The following PTK2 variants were observed in gnomAD, a reference collection of about 807,000 sequenced individuals.
PTK2 encodes the protein protein tyrosine kinase 2.
A neutral mutation model predicts 150.1 loss-of-function variants in PTK2; 45 were observed. That is an observed-to-expected ratio of 0.30 (90% CI 0.24 to 0.38). The LOEUF (loss-of-function observed/expected upper bound fraction) is 0.38, where lower values mean the gene tolerates loss of function less well. Ranked by LOEUF, PTK2 falls within the 10% of genes least tolerant of loss-of-function variation. The pLI, the probability that PTK2 is intolerant of heterozygous loss-of-function variation, is 1.00. For missense variants in PTK2, 919 were observed against 1,307.3 expected (o/e 0.70, Z 4.58); for synonymous variants, 432 against 449.2 (o/e 0.96, Z 0.48).
intron 2 of PTK2, among the ~76,000 whole-genome samples, chr8:140,906,986 T>C (rs1177923654): frequency 6.6e-6 from 1 of 152,198 alleles, no homozygotes; most frequent in Non-Finnish European, 1.5e-5. Flanking sequence ...CTCACAGTTA[T>C]TAAGATTGAA....
intron 10 of PTK2, among the ~76,000 whole-genome samples, chr8:140,813,743 CCCCAAACTAGAAGA>C (rs2100102968): frequency 3.4e-5 from 1 of 29,838 alleles, no homozygotes; most frequent in Non-Finnish European, 5.1e-5. Flanking sequence ...AGAGAACCAA[CCCCAAACTAGAAGA>C]AGAGCAAACC....
In PTK2 at chr8:140,938,598, T is replaced by C. The variant is rs114089642; in HGVS notation, c.-121-12849A>G. 7.5e-3 allele frequency among the ~76,000 whole-genome samples: 1,136 copies of C among 152,310 alleles called. 12 individuals carry two copies. The highest frequency in any genetic ancestry group is 0.025 in the African/African-American group (1,046 of 41,564). On this transcript the variant is annotated intron_variant, in intron 1 of 31. Transcript: ENST00000522684. ...TCTCAGGATAATCTGGAGCACTCCCTTGTGGGAACTGCCCTGCCACTGCTT... is the reference window on the plus strand; with the variant it reads ...TCTCAGGATAATCTGGAGCACTCCCCTGTGGGAACTGCCCTGCCACTGCTT...
chr8:140,974,416 T>C (rs181322951), intron 1 of PTK2, among the ~76,000 whole-genome samples: 30 of 152,346 alleles, frequency 2.0e-4, no homozygotes, highest in Admixed American at 2.0e-3. Flanking sequence ...CTAATGTTCA[T>C]AGCATGTTGA....
intron 29 of PTK2, chr8:140,669,460 C>A: frequency 2.2e-6 from 1 of 451,252 alleles, no homozygotes. Context: ...CCTAAGTAAT[C>A]TGGAACAGAT....
chr8:140,711,403 G>A (rs530207887), intron 23 of PTK2, among the ~76,000 whole-genome samples: 2 of 152,266 alleles, frequency 1.3e-5, no homozygotes, highest in Admixed American at 6.5e-5. Flanking sequence ...CACCATGCCC[G>A]GCCCCCGCAG....
chr8:140,724,450 A>C (rs1289372377), intron 22 of PTK2, among the ~76,000 whole-genome samples: 5 of 152,230 alleles, frequency 3.3e-5, no homozygotes, highest in Non-Finnish European at 5.9e-5. Context: ...AAATGTAATA[A>C]ATACTTTTTG....
chr8:140,660,634 G>A (rs370278421), intron 31 of PTK2: 1 of 455,440 alleles, frequency 2.2e-6, no homozygotes. Flanking sequence ...GCTGACGTGG[G>A]AGGACGGCTT....
At chr8:140,723,572 G>C (rs2100044188) in intron 22 of PTK2, among the ~76,000 whole-genome samples, 1 of 152,228 alleles carries the variant, frequency 6.6e-6, no homozygotes, top group Non-Finnish European at 1.5e-5. Context: ...AGAGTATCAA[G>C]GAGGTCAAAC....
chr8:140,678,658 C>T (rs1589657160), intron 27 of PTK2, among the ~76,000 whole-genome samples: 1 of 152,154 alleles, frequency 6.6e-6, no homozygotes, highest in Non-Finnish European at 1.5e-5. Flanking sequence ...CAGACCAAAG[C>T]TGCAGTTTTA....
chr8:140,757,765 A>T (rs187616622), intron 16 of PTK2, among the ~76,000 whole-genome samples: 28 of 152,318 alleles, frequency 1.8e-4, no homozygotes, highest in Admixed American at 1.4e-3. Flanking sequence ...TTGAGCAAGC[A>T]TGTCATGTGC....
At chr8:140,873,916 G>A (rs1044559834) in intron 4 of PTK2, among the ~76,000 whole-genome samples, 3 of 152,186 alleles carry the variant, frequency 2.0e-5, no homozygotes, top group African/African-American at 7.2e-5. Context: ...GAATTTGCCA[G>A]CCTTTCTTTT....
chr8:140,758,723 T>G (rs1021255844), intron 16 of PTK2, among the ~76,000 whole-genome samples: 6 of 152,352 alleles, frequency 3.9e-5, no homozygotes, highest in African/African-American at 1.4e-4. Flanking sequence ...GTTAATTTAG[T>G]ATTAAGAAAA....
chr8:140,824,560 A>G (rs1449055291), intron 8 of PTK2, among the ~76,000 whole-genome samples: 1 of 152,244 alleles, frequency 6.6e-6, no homozygotes. Context: ...GCGACTGCCA[A>G]TGAGGACTGT....
At chr8:140,671,740 C>G (rs952026598) in intron 29 of PTK2, among the ~76,000 whole-genome samples, 2 of 145,540 alleles carry the variant, frequency 1.4e-5, no homozygotes, top group Admixed American at 1.4e-4. Flanking sequence ...GGTGAAACCC[C>G]GTCTCTACTA....
At chr8:140,668,290 C>T (rs2093523441) in exon 30 of PTK2, 12 of 1,614,014 alleles carry the variant, frequency 7.4e-6, no homozygotes, top group Non-Finnish European at 1.0e-5. Context: ...GGACATACTC[C>T]TCTGGTGGGG....
chr8:140,947,612 T>C (rs1173610195), intron 1 of PTK2, among the ~76,000 whole-genome samples: 1 of 151,916 alleles, frequency 6.6e-6, no homozygotes, highest in Non-Finnish European at 1.5e-5. Flanking sequence ...TCAATGAAAC[T>C]GAAGTATGCA....
At chr8:140,679,948 G>A (rs1218297010) in intron 27 of PTK2, among the ~76,000 whole-genome samples, 4 of 152,152 alleles carry the variant, frequency 2.6e-5, no homozygotes, top group South Asian at 2.1e-4. Context: ...TGGTCATAGC[G>A]TGTTAACAGT....
In PTK2 at chr8:140,697,136, G is replaced by A. The variant is rs1478831447; in HGVS notation, c.2499+3755C>T. 1.2e-3 allele frequency among the ~76,000 whole-genome samples: 50 copies of A among 43,338 alleles called. 2 individuals carry two copies. Among genetic ancestry groups the A allele is most frequent in the African/African-American group, 4.1e-3 (46 of 11,316 alleles). The allele number at this position is 43,338 out of a possible 152,430, so 28.4% of individuals were successfully genotyped here. ...GTGACAGTGTGAGACCCTGTTTCCG[G>A]GAAAAAAAAAAAAAAAAAAAAAAAA... On this transcript the variant is annotated intron_variant, in intron 26 of 31. Coordinates refer to ENST00000522684, the Ensembl canonical transcript of PTK2.
chr8:140,981,768 T>C (rs1416375163), intron 1 of PTK2, among the ~76,000 whole-genome samples: 2 of 152,164 alleles, frequency 1.3e-5, no homozygotes, highest in Non-Finnish European at 2.9e-5. Flanking sequence ...TGAGTACTTG[T>C]GAGAGGTCAC....
Sources: allele counts gnomAD v4.1 joint callset (sites outside exome capture counted in the v4.1 genomes callset), GRCh38; gene constraint gnomAD v4.1.1; transcripts MANE v1.5; gene names NCBI Gene and HGNC (gene_info 2026-07-23, HGNC 2026-07-21).